Variants in TENM3 observed in about 807,000 individuals in gnomAD.
TENM3 encodes teneurin transmembrane protein 3.
In TENM3, 63 loss-of-function variants were observed where a neutral mutation model predicts 255.1. The observed-to-expected ratio is 0.25, with a 90% CI of 0.20 to 0.30. The LOEUF is 0.30. TENM3 is among the 10% of genes least tolerant of loss of function. The pLI, the probability that TENM3 is intolerant of heterozygous loss-of-function variation, is 1.00. For synonymous variants in TENM3, 1,306 were observed against 1,322.3 expected (o/e 0.99, Z 0.27); for missense variants, 2,929 against 3,461.1 (o/e 0.85, Z 3.86).
At chr4:181,594,999 A>G in the TENM3 span, among the ~76,000 whole-genome samples, 1,814 of 152,250 alleles carry the variant, frequency 0.012, 37 homozygotes, top group African/African-American at 0.04. Context: ...AAATATATAT[A>G]TAGTGCATCT....
intron 3 of TENM3, among the ~76,000 whole-genome samples, chr4:182,585,133 A>G (rs2152372200): frequency 6.6e-6 from 1 of 152,296 alleles, no homozygotes; most frequent in East Asian, 1.9e-4. Flanking sequence ...CACTAAAATA[A>G]CACTTCACAG....
At chr4:181,793,624 C>A in the TENM3 span, among the ~76,000 whole-genome samples, 1 of 152,154 alleles carries the variant, frequency 6.6e-6, no homozygotes, top group Admixed American at 6.5e-5. Flanking sequence ...TGGTATAGAG[C>A]TAAAGAACTC....
At chr4:182,737,121 C>T (rs1378188427) in intron 17 of TENM3, 46 bp downstream of exon 17, 2 of 1,566,714 alleles carry the variant, frequency 1.3e-6, no homozygotes, top group East Asian at 2.2e-5. Flanking sequence ...TTTCTCAAAG[C>T]CAGAACTATC....
At chr4:182,621,712 AAT>A in intron 4 of TENM3, among the ~76,000 whole-genome samples, 1 of 71,468 alleles carries the variant, frequency 1.4e-5, no homozygotes, top group African/African-American at 5.2e-5. Flanking sequence ...TAAAATATAT[AAT>A]ATATATTATA....
intron 1 of TENM3, among the ~76,000 whole-genome samples, chr4:182,233,089 G>T (rs1756681285): frequency 6.6e-6 from 1 of 152,108 alleles, no homozygotes; most frequent in South Asian, 2.1e-4. Flanking sequence ...ACAGGAGAGG[G>T]GTCTCCAGGC....
chr4:182,524,151 C>G (rs1484948608), intron 3 of TENM3, among the ~76,000 whole-genome samples: 1 of 152,046 alleles, frequency 6.6e-6, no homozygotes, highest in African/African-American at 2.4e-5. Context: ...ACAATAGTTG[C>G]TGAAGTTTAT....
At chr4:182,160,757 A>G (rs1264526787) in intron 1 of TENM3, among the ~76,000 whole-genome samples, 3 of 152,166 alleles carry the variant, frequency 2.0e-5, no homozygotes, top group Non-Finnish European at 2.9e-5. Flanking sequence ...CTGGTGACCT[A>G]TTGCACAGCA....
chr4:181,520,631 T>C, the TENM3 span, among the ~76,000 whole-genome samples: 2 of 152,090 alleles, frequency 1.3e-5, no homozygotes, highest in Non-Finnish European at 2.9e-5. Flanking sequence ...GCAAAGGTTT[T>C]CAGGAAATAA....
At chr4:181,749,230 T>C in the TENM3 span, among the ~76,000 whole-genome samples, 19 of 152,274 alleles carry the variant, frequency 1.2e-4, no homozygotes, top group African/African-American at 4.6e-4. Context: ...GCTTTTTTTT[T>C]CTTCACAAAG....
chr4:182,774,504 T>A (rs1764520386), intron 23 of TENM3, among the ~76,000 whole-genome samples: 1 of 152,200 alleles, frequency 6.6e-6, no homozygotes, highest in Non-Finnish European at 1.5e-5. Context: ...TTTCAAAGGA[T>A]CTTTGACAGA....
chr4:181,712,212 G>A, the TENM3 span, among the ~76,000 whole-genome samples: 6 of 152,110 alleles, frequency 3.9e-5, no homozygotes, highest in African/African-American at 1.4e-4. Flanking sequence ...ATATGGCTTG[G>A]ATCTATGTTC....
At chr4:182,340,689 ATCT>A (rs1764432161) in intron 2 of TENM3, among the ~76,000 whole-genome samples, 1 of 152,194 alleles carries the variant, frequency 6.6e-6, no homozygotes, top group African/African-American at 2.4e-5. Flanking sequence ...TTGCTGTGGA[ATCT>A]TCTTACGATT....
intron 3 of TENM3, among the ~76,000 whole-genome samples, chr4:182,369,449 A>G (rs1264850422): frequency 6.6e-6 from 1 of 152,204 alleles, no homozygotes; most frequent in Non-Finnish European, 1.5e-5. Context: ...ACAGTAGTAG[A>G]CTGTAGGTCC....
chr4:181,945,303 A>G, the TENM3 span, among the ~76,000 whole-genome samples: 2 of 152,246 alleles, frequency 1.3e-5, no homozygotes, highest in South Asian at 4.1e-4. Flanking sequence ...AATCATCAGA[A>G]GAGGCGAATT....
intron 24 of TENM3, among the ~76,000 whole-genome samples, chr4:182,777,544 T>TGTGTGTGTGTGTGTGTGTG (rs1561238773): frequency 7.4e-6 from 1 of 135,102 alleles, no homozygotes; most frequent in East Asian, 2.2e-4. Flanking sequence ...TGTGTGTGTA[T>TGTGTGTGTGTGTGTGTGTG]TTCTTTTTTT....
At chr4:182,698,306 A>G (rs1265797237) in intron 12 of TENM3, among the ~76,000 whole-genome samples, 2 of 152,198 alleles carry the variant, frequency 1.3e-5, no homozygotes, top group Non-Finnish European at 2.9e-5. Context: ...TAAAGCCCCA[A>G]AGGTGGTAGT....
At chr4:181,665,229 T>A in the TENM3 span, among the ~76,000 whole-genome samples, 127 of 152,298 alleles carry the variant, frequency 8.3e-4, 1 homozygote, top group African/African-American at 3.0e-3. Context: ...ACCTGGGACA[T>A]CCTAGGTGTT....
chr4:182,450,701 T>TA (rs1447761200), intron 3 of TENM3, among the ~76,000 whole-genome samples: 2 of 152,170 alleles, frequency 1.3e-5, no homozygotes, highest in African/African-American at 2.4e-5. Context: ...TAAAAAGCTT[T>TA]AAAAAATTGG....
At chr4:181,498,242 C>A in the TENM3 span, among the ~76,000 whole-genome samples, 1 of 152,084 alleles carries the variant, frequency 6.6e-6, no homozygotes, top group African/African-American at 2.4e-5. Flanking sequence ...GGAGAAACAT[C>A]TGTGAAAAAT....
Sources: allele counts gnomAD v4.1 joint callset (sites outside exome capture counted in the v4.1 genomes callset), GRCh38; gene constraint gnomAD v4.1.1; transcripts MANE v1.5; gene names NCBI Gene and HGNC (gene_info 2026-07-23, HGNC 2026-07-21).